ST6GALNAC5: variants seen among roughly 807,000 people sequenced by gnomAD.
ST6GALNAC5 encodes the protein ST6 N-acetylgalactosaminide alpha-2,6-sialyltransferase 5.
In ST6GALNAC5, 27 loss-of-function variants were observed where a neutral mutation model predicts 33.6. The observed-to-expected ratio is 0.80, with a 90% CI of 0.59 to 1.11. The LOEUF (loss-of-function observed/expected upper bound fraction) is 1.11. Among genes scored for constraint, ST6GALNAC5 ranks in the 50% least tolerant of loss-of-function variants. The pLI, the probability that ST6GALNAC5 is intolerant of heterozygous loss-of-function variation, is 0.00. For missense variants in ST6GALNAC5, 428 were observed against 454.0 expected (o/e 0.94, Z 0.52); for synonymous variants, 194 against 171.2 (o/e 1.13, Z -1.04).
At chr1:77,004,350 T>C (rs941700885) in intron 2 of ST6GALNAC5, among the ~76,000 whole-genome samples, 1 of 148,794 alleles carries the variant, frequency 6.7e-6, no homozygotes, top group African/African-American at 2.4e-5. Context: ...CATCAGCTCC[T>C]TTAAGCACTT....
chr1:76,881,023 C>T (rs1282731289), intron 2 of ST6GALNAC5, among the ~76,000 whole-genome samples: 1 of 152,128 alleles, frequency 6.6e-6, no homozygotes, highest in African/African-American at 2.4e-5. Context: ...TAAAACATAT[C>T]ATTAATCAAC....
At chr1:77,054,040 A>T (rs1437413333) in intron 4 of ST6GALNAC5, among the ~76,000 whole-genome samples, 1 of 152,222 alleles carries the variant, frequency 6.6e-6, no homozygotes, top group African/African-American at 2.4e-5. Flanking sequence ...CCCTCAAAAA[A>T]GTCACTAACT....
chr1:76,996,601 A>G (rs1649948203), intron 2 of ST6GALNAC5, among the ~76,000 whole-genome samples: 1 of 152,188 alleles, frequency 6.6e-6, no homozygotes, highest in Non-Finnish European at 1.5e-5. Context: ...AGTTCGAAAC[A>G]AGATTGTAAC....
intron 2 of ST6GALNAC5, among the ~76,000 whole-genome samples, chr1:76,894,851 G>T (rs1249474250): frequency 2.0e-5 from 3 of 152,340 alleles, no homozygotes; most frequent in Middle Eastern, 3.4e-3. Context: ...AAACAGGTTT[G>T]TGTGAGCAAT....
chr1:76,915,232 T>A (rs1036855233), intron 2 of ST6GALNAC5, among the ~76,000 whole-genome samples: 3 of 151,330 alleles, frequency 2.0e-5, no homozygotes, highest in Admixed American at 2.0e-4. Flanking sequence ...GGAACACTTT[T>A]ACACTGTTGG....
intron 2 of ST6GALNAC5, among the ~76,000 whole-genome samples, chr1:76,966,708 C>G (rs1235626687): frequency 6.6e-6 from 1 of 152,164 alleles, no homozygotes; most frequent in Non-Finnish European, 1.5e-5. Context: ...AGTTTTTGCC[C>G]ATTCAGTATG....
intron 2 of ST6GALNAC5, among the ~76,000 whole-genome samples, chr1:76,943,530 C>T (rs1160399036): frequency 6.6e-6 from 1 of 152,056 alleles, no homozygotes; most frequent in East Asian, 1.9e-4. Context: ...ATTGAAGCTG[C>T]ACATTTACGT....
intron 2 of ST6GALNAC5, among the ~76,000 whole-genome samples, chr1:76,964,684 G>A (rs996175092): frequency 1.3e-5 from 2 of 152,106 alleles, no homozygotes; most frequent in Non-Finnish European, 2.9e-5. Flanking sequence ...AGGTATACAT[G>A]TGCCATGTTG....
chr1:76,956,161 G>A (rs528152609), intron 2 of ST6GALNAC5, among the ~76,000 whole-genome samples: 6 of 152,032 alleles, frequency 3.9e-5, no homozygotes, highest in Admixed American at 2.0e-4. Flanking sequence ...CTTTGAAACC[G>A]GATATGATAA....
intron 2 of ST6GALNAC5, among the ~76,000 whole-genome samples, chr1:76,995,004 A>G (rs1280610906): frequency 6.6e-6 from 1 of 152,214 alleles, no homozygotes; most frequent in African/African-American, 2.4e-5. Flanking sequence ...ATTACCCTCC[A>G]GAATTCATAA....
intron 2 of ST6GALNAC5, among the ~76,000 whole-genome samples, chr1:76,981,627 A>G (rs1649255101): frequency 1.4e-5 from 2 of 148,092 alleles, no homozygotes; most frequent in Non-Finnish European, 1.5e-5. Context: ...AGCTCTGAAG[A>G]GAGCAGTTGT....
intron 2 of ST6GALNAC5, among the ~76,000 whole-genome samples, chr1:77,011,518 T>C (rs1297455717): frequency 6.6e-6 from 1 of 152,218 alleles, no homozygotes; most frequent in Non-Finnish European, 1.5e-5. Flanking sequence ...GGAATTACAG[T>C]CCTTGAGCAC....
At chr1:77,060,881 G>A (rs1652554569) in intron 4 of ST6GALNAC5, among the ~76,000 whole-genome samples, 1 of 152,080 alleles carries the variant, frequency 6.6e-6, no homozygotes, top group Admixed American at 6.6e-5. Context: ...CAAATTTAAA[G>A]TGATTTGTGA....
chr1:76,918,592 T>A (rs567795815), intron 2 of ST6GALNAC5, among the ~76,000 whole-genome samples: 5 of 128,606 alleles, frequency 3.9e-5, no homozygotes, highest in African/African-American at 1.2e-4. Context: ...CACTCCAGCC[T>A]AGTGACAGAG....
In ST6GALNAC5 at chr1:76,913,671, A is replaced by G. The variant is rs186846876; in HGVS notation, c.261+44929A>G. On this transcript the variant is annotated intron_variant, in intron 2 of 4. Transcript: ENST00000477717. ...CTTCTCGCTTCATTTCATTCATTTCATCTTCCATCACTGATACCATTTCTT... is the reference window on the plus strand; with the variant it reads ...CTTCTCGCTTCATTTCATTCATTTCGTCTTCCATCACTGATACCATTTCTT... 1.8e-3 allele frequency among the ~76,000 whole-genome samples: 281 copies of G among 152,026 alleles called. 2 individuals carry two copies. The highest frequency in any genetic ancestry group is 1.4e-3 in the African/African-American group (59 of 41,474).
intron 2 of ST6GALNAC5, among the ~76,000 whole-genome samples, chr1:76,896,432 C>T (rs573049264): frequency 2.4e-4 from 36 of 152,164 alleles, no homozygotes; most frequent in South Asian, 6.2e-4. Flanking sequence ...TAGATTTCCA[C>T]GATGGAAAGA....
intron 2 of ST6GALNAC5, among the ~76,000 whole-genome samples, chr1:76,992,476 A>T (rs1649775092): frequency 6.8e-6 from 1 of 146,458 alleles, no homozygotes; most frequent in African/African-American, 2.5e-5. Context: ...TCTAAAGGGC[A>T]ATTGTGGTCC....
chr1:76,869,279 T>C (rs192387297), intron 2 of ST6GALNAC5, among the ~76,000 whole-genome samples: 34 of 152,290 alleles, frequency 2.2e-4, no homozygotes, highest in African/African-American at 7.7e-4. Flanking sequence ...ATGGAAGACT[T>C]GAGGGACACA....
chr1:76,983,128 A>T (rs968312020), intron 2 of ST6GALNAC5, among the ~76,000 whole-genome samples: 3 of 152,190 alleles, frequency 2.0e-5, no homozygotes, highest in Admixed American at 6.5e-5. Context: ...ACCAGCAAAC[A>T]TCATAATGAC....
Sources: gnomAD v4.1 joint callset for allele counts (sites outside exome capture counted in the v4.1 genomes callset) on GRCh38, gnomAD v4.1.1 for gene constraint, MANE v1.5 for transcripts, NCBI Gene and HGNC (gene_info 2026-07-23, HGNC 2026-07-21) for gene names.